The following GRID1 variants were observed in gnomAD, a reference collection of about 807,000 sequenced individuals.
GRID1 encodes the protein glutamate ionotropic receptor delta type subunit 1.
A neutral mutation model predicts 98.0 loss-of-function variants in GRID1; 28 were observed. The ratio of observed to expected loss-of-function variants is 0.29; its 90% CI spans 0.21 to 0.39. GRID1 has a LOEUF of 0.39. GRID1 is among the 10% of genes least tolerant of loss of function. The pLI is 1.00. For missense variants in GRID1, 1,111 were observed against 1,340.5 expected (o/e 0.83, Z 2.67); for synonymous variants, 553 against 538.5 (o/e 1.03, Z -0.37).
At chr10:85,803,958 A>G (rs1441711440) in intron 8 of GRID1, among the ~76,000 whole-genome samples, 1 of 151,972 alleles carries the variant, frequency 6.6e-6, no homozygotes, top group Non-Finnish European at 1.5e-5. Context: ...AAAGGTATAC[A>G]GTCACTAACC....
At chr10:85,855,975 G>A (rs962377971) in intron 7 of GRID1, 54 bp downstream of exon 7, 81 of 1,529,124 alleles carry the variant, frequency 5.3e-5, no homozygotes, top group Non-Finnish European at 7.0e-5. Flanking sequence ...ACACAGTGGA[G>A]GTATAAGAAG....
chr10:86,228,666 C>T (rs1028200996), intron 2 of GRID1, among the ~76,000 whole-genome samples: 4 of 152,092 alleles, frequency 2.6e-5, no homozygotes, highest in Non-Finnish European at 4.4e-5. Flanking sequence ...CCCCCCAGTA[C>T]CCAATGAGAA....
At chr10:86,053,939 C>T (rs949759679) in intron 4 of GRID1, among the ~76,000 whole-genome samples, 1 of 152,220 alleles carries the variant, frequency 6.6e-6, no homozygotes, top group African/African-American at 2.4e-5. Flanking sequence ...CACACACAGT[C>T]AGCCAGAGTA....
chr10:86,132,694 T>C (rs967455632), intron 4 of GRID1, among the ~76,000 whole-genome samples: 7 of 152,238 alleles, frequency 4.6e-5, no homozygotes, highest in Non-Finnish European at 7.3e-5. Flanking sequence ...AACGTTGAGA[T>C]TGCTAATTTA....
intron 8 of GRID1, among the ~76,000 whole-genome samples, chr10:85,783,638 C>A (rs1038453261): frequency 1.3e-5 from 2 of 152,174 alleles, no homozygotes; most frequent in Non-Finnish European, 2.9e-5. Context: ...AAAAACACTT[C>A]GTCCTTGTGT....
chr10:86,043,858 A>T (rs1843382408), intron 4 of GRID1, among the ~76,000 whole-genome samples: 1 of 152,214 alleles, frequency 6.6e-6, no homozygotes, highest in Non-Finnish European at 1.5e-5. Context: ...CTACAAGGTG[A>T]ATTATCCCCA....
At chr10:85,644,892 C>T (rs1365999605) in intron 13 of GRID1, among the ~76,000 whole-genome samples, 1 of 152,190 alleles carries the variant, frequency 6.6e-6, no homozygotes, top group African/African-American at 2.4e-5. Flanking sequence ...ATTTGTATTT[C>T]ACAGATCACT....
At chr10:86,144,065 G>A (rs932332135) in intron 3 of GRID1, among the ~76,000 whole-genome samples, 1 of 152,094 alleles carries the variant, frequency 6.6e-6, no homozygotes, top group Non-Finnish European at 1.5e-5. Context: ...GTCTCTCCCC[G>A]GGTACAGGAA....
chr10:85,993,872 G>T (rs551254941), intron 4 of GRID1, among the ~76,000 whole-genome samples: 2 of 150,670 alleles, frequency 1.3e-5, no homozygotes. Flanking sequence ...ACCCCTTTCC[G>T]TCTCTGATGA....
intron 2 of GRID1, among the ~76,000 whole-genome samples, chr10:86,229,514 G>C (rs1399433292): frequency 1.3e-5 from 2 of 152,202 alleles, no homozygotes; most frequent in Non-Finnish European, 1.5e-5. Flanking sequence ...AAATTGCTGA[G>C]AGCCGAGCCT....
At chr10:85,758,139 G>A (rs1244663797) in intron 8 of GRID1, among the ~76,000 whole-genome samples, 1 of 152,140 alleles carries the variant, frequency 6.6e-6, no homozygotes, top group Admixed American at 6.5e-5. Context: ...TAGCATTTGA[G>A]GAAAGTTTTA....
intron 13 of GRID1, among the ~76,000 whole-genome samples, chr10:85,625,924 C>T (rs778367468): frequency 8.5e-5 from 13 of 152,194 alleles, no homozygotes; most frequent in Non-Finnish European, 1.6e-4. Flanking sequence ...TGGAGCACAA[C>T]CTTTCAGAGA....
intron 2 of GRID1, among the ~76,000 whole-genome samples, chr10:86,212,492 G>A (rs1446560388): frequency 3.3e-5 from 5 of 152,284 alleles, no homozygotes; most frequent in East Asian, 1.9e-4. Flanking sequence ...TCCTCTCCAC[G>A]GGCAGCAGAA....
rs1450426384 is a variant in GRID1 at position 86,253,243 on chromosome 10, T to C, written c.236-46595A>G. On this transcript the variant is annotated intron_variant, in intron 2 of 15. Transcript: ENST00000327946. ...CATGTGGCCATCTCCAAAAGCCGGGTTCCACATCCTGCATCTCTGCATCGG... is the reference window on the plus strand; with the variant it reads ...CATGTGGCCATCTCCAAAAGCCGGGCTCCACATCCTGCATCTCTGCATCGG... Among the ~76,000 whole-genome samples, 3 of 152,220 alleles carry C rather than the reference T, an allele frequency of 2.0e-5. No individual in the cohort carries two copies. In the East Asian group the frequency reaches 5.8e-4, roughly 29 times the overall value.
chr10:85,797,449 G>A lies in GRID1; in HGVS notation c.1233+57047C>T, dbSNP rs1196514241. On this transcript the variant is annotated intron_variant, in intron 8 of 15. Coordinates refer to ENST00000327946, the MANE Select transcript of GRID1 (RefSeq NM_017551.3). ...TTATTTTATTTATTTACTTTTTTGA[G>A]ACCAAGTTTTGCTCTTATTGCCCAG... Among the ~76,000 whole-genome samples the A allele has an allele frequency of 3.3e-5, 5 of 151,506 alleles. No individual in the cohort carries two copies. The South Asian group carries it at 1.0e-3, about 32-fold the overall frequency.
At chr10:85,956,697 T>C (rs1842199177) in intron 4 of GRID1, among the ~76,000 whole-genome samples, 1 of 152,136 alleles carries the variant, frequency 6.6e-6, no homozygotes, top group Non-Finnish European at 1.5e-5. Flanking sequence ...TTGAGATTAA[T>C]GGAAAATGCC....
At chr10:86,296,723 A>G (rs1425493401) in intron 2 of GRID1, among the ~76,000 whole-genome samples, 1 of 152,192 alleles carries the variant, frequency 6.6e-6, no homozygotes, top group Non-Finnish European at 1.5e-5. Context: ...TGGGCAACAG[A>G]GGGAGACTCC....
Position 86,245,715 on chromosome 10 carries a change from C to T in GRID1, c.236-39067G>A, listed in dbSNP as rs554022222. ...AAGCCACATGAGTGAGCAGCCACCA[C>T]TCACCTGCCCCAAAGCTGTCCCTGC... On this transcript the variant is annotated intron_variant, in intron 2 of 15. Transcript: ENST00000327946. Among the ~76,000 whole-genome samples the T allele has an allele frequency of 1.4e-4, 21 of 152,356 alleles. No individual in the cohort carries two copies. The South Asian group carries it at 3.9e-3, about 29-fold the overall frequency.
chr10:86,200,623 A>G (rs1050563311), intron 3 of GRID1, among the ~76,000 whole-genome samples: 3 of 152,234 alleles, frequency 2.0e-5, no homozygotes, highest in African/African-American at 7.2e-5. Context: ...AAGACAAGCA[A>G]AAGAGCTAGC....
Sources: allele counts gnomAD v4.1 joint callset (sites outside exome capture counted in the v4.1 genomes callset), GRCh38; gene constraint gnomAD v4.1.1; transcripts MANE v1.5; gene names NCBI Gene and HGNC (gene_info 2026-07-23, HGNC 2026-07-21).